Variants in MBD5 observed in about 807,000 individuals in gnomAD.
MBD5 encodes methyl-CpG-binding domain protein 5.
In MBD5, 13 loss-of-function variants were observed where a neutral mutation model predicts 117.3. The ratio of observed to expected loss-of-function variants is 0.11; its 90% CI spans 0.07 to 0.18. The LOEUF (loss-of-function observed/expected upper bound fraction) is 0.18, where lower values mean the gene tolerates loss of function less well. Among genes scored for constraint, MBD5 ranks in the 10% least tolerant of loss-of-function variants. The pLI, the probability that MBD5 is intolerant of heterozygous loss-of-function variation, is 1.00. For synonymous variants in MBD5, 727 were observed against 766.4 expected, an observed-to-expected ratio of 0.95 and a Z score of 0.85; for missense variants, 1,879 against 2,093.8, an observed-to-expected ratio of 0.90 and a Z score of 2.00.
At position 148,513,081 on chromosome 2, in the gene MBD5, A is replaced by T. The variant is rs972825760; in HGVS notation, c.*140A>T. On this transcript the variant is annotated 3_prime_UTR_variant, in exon 14 of 14. Coordinates refer to ENST00000642680, the MANE Select transcript of MBD5 (RefSeq NM_001378120.1). ...TACCACCACCACAGGGTGCTAAAAG[A>T]AACAGTGATACAAAATTTTTTTGAT... 1.3e-5 allele frequency: 11 copies of T among 861,112 alleles called. No individual in the cohort carries two copies. Among genetic ancestry groups the T allele is most frequent in the Non-Finnish European group, 1.8e-5 (10 of 543,796 alleles). The allele number at this position is 861,112 out of a possible 1,614,324, so 53.3% of individuals were successfully genotyped here. A position where few individuals can be genotyped will look rare whatever the true frequency, so the allele number is the denominator to read the frequency against.
chr2:148,480,697 T>C (rs1432281298), intron 8 of MBD5, among the ~76,000 whole-genome samples: 1 of 152,134 alleles, frequency 6.6e-6, no homozygotes, highest in East Asian at 1.9e-4. Context: ...AGGTTTTGAT[T>C]ATTTTGTAAC....
chr2:148,390,478 TAA>T (rs1218728244), intron 4 of MBD5, among the ~76,000 whole-genome samples: 15 of 150,622 alleles, frequency 1.0e-4, no homozygotes, highest in African/African-American at 3.2e-4. Context: ...TGTATATATA[TAA>T]GTATATATAT....
At chr2:148,438,942 C>T (rs1288532565) in intron 4 of MBD5, among the ~76,000 whole-genome samples, 4 of 152,168 alleles carry the variant, frequency 2.6e-5, no homozygotes, top group Non-Finnish European at 5.9e-5. Flanking sequence ...CACAGATACA[C>T]TAAAAATAAT....
At chr2:148,499,027 T>G (rs1261870825) in intron 11 of MBD5, among the ~76,000 whole-genome samples, 3 of 152,204 alleles carry the variant, frequency 2.0e-5, no homozygotes, top group African/African-American at 7.2e-5. Flanking sequence ...GCACGGTGGC[T>G]CATGCCTTTA....
At chr2:148,264,067 C>T (rs1700795338) in intron 3 of MBD5, 1 of 152,146 alleles carries the variant, frequency 6.6e-6, no homozygotes, top group Non-Finnish European at 1.5e-5. Context: ...ATATATACAT[C>T]ATCTCAAAGT....
chr2:148,147,817 G>A (rs1446604727), intron 1 of MBD5, among the ~76,000 whole-genome samples: 2 of 152,136 alleles, frequency 1.3e-5, no homozygotes, highest in Non-Finnish European at 2.9e-5. Flanking sequence ...CAATGCTCCA[G>A]CAGACTGTTT....
intron 4 of MBD5, among the ~76,000 whole-genome samples, chr2:148,436,920 G>A (rs758190088): frequency 3.9e-5 from 6 of 151,918 alleles, no homozygotes; most frequent in Non-Finnish European, 5.9e-5. Context: ...ATGGACTACT[G>A]ATTAAAGCTT....
At chr2:148,058,358 G>A (rs1053736222) in intron 1 of MBD5, among the ~76,000 whole-genome samples, 4 of 152,018 alleles carry the variant, frequency 2.6e-5, no homozygotes, top group African/African-American at 9.7e-5. Flanking sequence ...TAAGTGGGAA[G>A]AGCCAGAATT....
chr2:148,095,037 A>G (rs2105257961), intron 1 of MBD5, among the ~76,000 whole-genome samples: 1 of 152,282 alleles, frequency 6.6e-6, no homozygotes, highest in South Asian at 2.1e-4. Context: ...CTAGCAGGGT[A>G]TAAATAATAA....
In MBD5 at chr2:148,380,836, C is replaced by T. The variant is rs193199471; in HGVS notation, c.-557+38500C>T. On this transcript the variant is annotated intron_variant, in intron 4 of 13. Transcript: ENST00000642680. ...CCAATATCCACTGTTCTGCAGCCAC[C>T]GCTGCTGATACCCAGGCAAACAGGG... Among the ~76,000 whole-genome samples the T allele has an allele frequency of 9.8e-3, 1,494 of 152,246 alleles. 27 individuals are homozygous for T. Among genetic ancestry groups the T allele is most frequent in the Middle Eastern group, 0.031 (9 of 294 alleles).
chr2:148,216,447 CT>C (rs1200073028), intron 2 of MBD5, among the ~76,000 whole-genome samples: 7 of 151,714 alleles, frequency 4.6e-5, no homozygotes, highest in Admixed American at 2.6e-4. Flanking sequence ...AGACAAAAAA[CT>C]TTTTTTTTCT....
Position 148,412,327 on chromosome 2 carries a change from A to G in MBD5, c.-556-45876A>G, listed in dbSNP as rs1232714001. Among the ~76,000 whole-genome samples, 2 of 149,972 alleles carry G rather than the reference A, an allele frequency of 1.3e-5. 1 individual carries two copies. The highest frequency in any genetic ancestry group is 1.3e-4 in the Admixed American group (2 of 15,048). ...GTAGAGAGAGAGAATATATATATGT[A>G]TATATATAGAGAGAGAGACAGAGAC... On this transcript the variant is annotated intron_variant, in intron 4 of 13. Coordinates refer to ENST00000642680, the MANE Select transcript of MBD5 (RefSeq NM_001378120.1).
At chr2:148,432,991 TC>T (rs1278995026) in intron 4 of MBD5, among the ~76,000 whole-genome samples, 3 of 152,174 alleles carry the variant, frequency 2.0e-5, no homozygotes, top group African/African-American at 7.2e-5. Flanking sequence ...AGTCTTCCTG[TC>T]CATGAATATG....
At chr2:148,130,005 TAC>T (rs2105461777) in intron 1 of MBD5, among the ~76,000 whole-genome samples, 1 of 152,324 alleles carries the variant, frequency 6.6e-6, no homozygotes, top group South Asian at 2.1e-4. Flanking sequence ...GTGATTCAAA[TAC>T]AGTTTTCAAA....
chr2:148,224,509 ATTTTTTTTTTTTTT>A (rs34659671), intron 2 of MBD5, among the ~76,000 whole-genome samples: 4 of 58,136 alleles, frequency 6.9e-5, no homozygotes, highest in South Asian at 1.3e-3. Flanking sequence ...CGCCTGGCTA[ATTTTTTTTTTTTTT>A]TTTTTTTTTT....
chr2:148,483,643 C>G lies in MBD5; in HGVS notation c.3052C>G (p.Gln1018Glu). The part of the protein sequence containing the change: ...FNLTISDLLQ[Q>E]QNTPLPSLTQ... ...TCTGACCATCTCAGATCTTTTGCAA[C>G]AGCAAAATACCCCTTTACCCTCATT... is the stretch of plus-strand genomic sequence containing the variant. The change falls in exon 9 of 14, where the codon CAG (glutamine) becomes GAG (glutamate). Residue 1018 changes from glutamine to glutamate, a missense_variant. Around this residue, in one of 4 missense-constraint regions of MBD5, gnomAD observed 1,666 missense variants for 1,792.2 expected, o/e 0.93. Transcript: ENST00000642680. 1 of 1,551,188 alleles carries G rather than the reference C, an allele frequency of 6.4e-7. No homozygotes were observed. The highest frequency in any genetic ancestry group is 2.4e-5 in the East Asian group (1 of 40,924).
At chr2:148,286,039 G>A (rs1011527188) in intron 3 of MBD5, among the ~76,000 whole-genome samples, 1 of 151,684 alleles carries the variant, frequency 6.6e-6, no homozygotes, top group African/African-American at 2.4e-5. Context: ...GTATTTTCAG[G>A]TATCCATATA....
chr2:148,124,050 A>T (rs532067450), intron 1 of MBD5, among the ~76,000 whole-genome samples: 1 of 152,270 alleles, frequency 6.6e-6, no homozygotes, highest in East Asian at 1.9e-4. Context: ...TGGCCAAGGA[A>T]GGTGGATCAC....
rs766270027 is a variant in MBD5 at position 148,468,550 on chromosome 2, T to C, written c.607T>C (p.Leu203=). The C allele has an allele frequency of 4.3e-6, 7 of 1,613,750 alleles. No individual in the cohort carries two copies. The highest frequency in any genetic ancestry group is 3.3e-5 in the Admixed American group (2 of 59,942). The change falls in exon 8 of 14, where the codon TTG becomes CTG. Residue 203 remains leucine (L), a synonymous_variant. Transcript: ENST00000642680. ...ELHPVYPRQR[L]GSSEHGQKSP... ...CCACCCTGTCTACCCCCGACAGAGA[T>C]TGGGCAGCAGTGAACATGGACAGAA...
Sources: gnomAD v4.1 joint callset for allele counts (sites outside exome capture counted in the v4.1 genomes callset) on GRCh38, gnomAD v4.1.1 for gene constraint, gnomAD v4.1.1 regional missense constraint, MANE v1.5 for transcripts, NCBI Gene and HGNC (gene_info 2026-07-23, HGNC 2026-07-21) for gene names.